Variants in CALN1 observed in about 807,000 individuals in gnomAD.
The protein encoded by CALN1 is calneuron 1, also known as calcium-binding protein 8.
In CALN1, 17 loss-of-function variants were observed where a neutral mutation model predicts 30.6. That is an observed-to-expected ratio of 0.56 (90% CI 0.38 to 0.83). CALN1 has a LOEUF of 0.83. Among genes scored for constraint, CALN1 ranks in the 40% least tolerant of loss-of-function variants. The probability of loss-of-function intolerance (pLI) is 0.00; values close to 1 mark genes in which losing one functional copy is unlikely to be tolerated. For synonymous variants in CALN1, 156 were observed against 131.4 expected (o/e 1.19, Z -1.28); for missense variants, 291 against 354.9 (o/e 0.82, Z 1.45).
At chr7:72,015,993 A>T (rs1800357847) in intron 5 of CALN1, among the ~76,000 whole-genome samples, 1 of 152,172 alleles carries the variant, frequency 6.6e-6, no homozygotes. Flanking sequence ...TCACACCTGT[A>T]ATCCCAGAAC....
intron 3 of CALN1, among the ~76,000 whole-genome samples, chr7:72,253,212 T>A (rs954784851): frequency 6.6e-6 from 1 of 152,216 alleles, no homozygotes; most frequent in African/African-American, 2.4e-5. Flanking sequence ...AGAAATGCAA[T>A]AAAAACTTGA....
At chr7:72,203,600 A>T (rs1207192181) in intron 3 of CALN1, among the ~76,000 whole-genome samples, 1 of 152,170 alleles carries the variant, frequency 6.6e-6, no homozygotes, top group East Asian at 1.9e-4. Context: ...ACTACAGTCC[A>T]CACCAAGTTT....
chr7:71,982,702 A>T (rs557661187), intron 5 of CALN1, among the ~76,000 whole-genome samples: 13 of 152,346 alleles, frequency 8.5e-5, no homozygotes, highest in African/African-American at 3.1e-4. Context: ...AGAAGAAATG[A>T]TTTGGGCAGA....
chr7:72,132,866 G>A (rs1374058273), intron 3 of CALN1, among the ~76,000 whole-genome samples: 4 of 152,116 alleles, frequency 2.6e-5, no homozygotes, highest in African/African-American at 4.8e-5. Flanking sequence ...TTAGGAACCG[G>A]GCTGCAGAGC....
intron 1 of CALN1, among the ~76,000 whole-genome samples, chr7:72,425,228 C>T (rs36009486): frequency 6.6e-6 from 1 of 152,200 alleles, no homozygotes; most frequent in Admixed American, 6.5e-5. Flanking sequence ...ATTCTCCTGC[C>T]TCAGCCTCCT....
chr7:72,372,018 G>C (rs944840487), intron 2 of CALN1, among the ~76,000 whole-genome samples: 1 of 152,168 alleles, frequency 6.6e-6, no homozygotes, highest in Non-Finnish European at 1.5e-5. Context: ...GCATTTCTGA[G>C]ATTGAATTCA....
At chr7:72,131,468 A>G (rs1809142096) in intron 3 of CALN1, among the ~76,000 whole-genome samples, 2 of 152,054 alleles carry the variant, frequency 1.3e-5, no homozygotes, top group African/African-American at 4.8e-5. Flanking sequence ...ATGCTTTTAA[A>G]CTTTTACCAG....
chr7:72,199,623 A>G (rs1791279992), intron 3 of CALN1, among the ~76,000 whole-genome samples: 1 of 152,170 alleles, frequency 6.6e-6, no homozygotes, highest in African/African-American at 2.4e-5. Context: ...GGCTGAAGCA[A>G]AAGAATCACT....
Position 71,933,022 on chromosome 7 carries a change from G to A in CALN1, c.501+90635C>T, listed in dbSNP as rs554141544. 3.1e-3 allele frequency among the ~76,000 whole-genome samples: 464 copies of A among 152,030 alleles called. 1 individual carries two copies. The highest frequency in any genetic ancestry group is 5.1e-3 in the Non-Finnish European group (348 of 67,976). On this transcript the variant is annotated intron_variant, in intron 5 of 6. Transcript: ENST00000395275. ...CCTTGGTAAGGTCTCCCTTTTTAAC[G>A]AAAAGCAGCCCCCAAATCATATTCT... is the stretch of plus-strand genomic sequence containing the variant.
At chr7:71,970,868 C>G (rs1004095995) in intron 5 of CALN1, among the ~76,000 whole-genome samples, 2 of 152,108 alleles carry the variant, frequency 1.3e-5, no homozygotes, top group African/African-American at 4.8e-5. Context: ...TGATCAGCAC[C>G]AGGGATCTGA....
At chr7:72,041,332 G>A (rs999622057) in intron 4 of CALN1, among the ~76,000 whole-genome samples, 1 of 152,034 alleles carries the variant, frequency 6.6e-6, no homozygotes, top group Admixed American at 6.6e-5. Context: ...TGGAGTGAGG[G>A]GATGGGGGTG....
At chr7:71,925,241 GGA>G (rs140977661) in intron 5 of CALN1, among the ~76,000 whole-genome samples, 4 of 150,742 alleles carry the variant, frequency 2.7e-5, no homozygotes, top group Non-Finnish European at 4.4e-5. Context: ...ACTCTGAGGG[GGA>G]GAGAGAGAGA....
At chr7:72,164,298 C>T (rs1448944050) in intron 3 of CALN1, among the ~76,000 whole-genome samples, 1 of 148,616 alleles carries the variant, frequency 6.7e-6, no homozygotes, top group Non-Finnish European at 1.5e-5. Context: ...AACCTGGGAG[C>T]CAAGATCACG....
chr7:72,469,207 C>G, the CALN1 span, among the ~76,000 whole-genome samples: 1 of 152,090 alleles, frequency 6.6e-6, no homozygotes, highest in Non-Finnish European at 1.5e-5. Context: ...TAGCTTAGGT[C>G]TTAAATCCAT....
At chr7:72,226,374 A>T (rs1793680567) in intron 3 of CALN1, among the ~76,000 whole-genome samples, 1 of 151,740 alleles carries the variant, frequency 6.6e-6, no homozygotes, top group Non-Finnish European at 1.5e-5. Flanking sequence ...GGCAGGGGTG[A>T]CATAATGACC....
intron 3 of CALN1, among the ~76,000 whole-genome samples, chr7:72,187,427 GA>G (rs1399018571): frequency 6.6e-6 from 1 of 152,168 alleles, no homozygotes; most frequent in Non-Finnish European, 1.5e-5. Flanking sequence ...CACACAGCAG[GA>G]GGTGAGGGAA....
chr7:71,963,520 G>C (rs1448533446), intron 5 of CALN1, among the ~76,000 whole-genome samples: 1 of 151,570 alleles, frequency 6.6e-6, no homozygotes, highest in Non-Finnish European at 1.5e-5. Context: ...GGCCAGGCTG[G>C]TCTTGAACTC....
intron 5 of CALN1, among the ~76,000 whole-genome samples, chr7:71,982,720 G>GTTAC (rs1178190875): frequency 3.9e-5 from 6 of 152,148 alleles, no homozygotes; most frequent in African/African-American, 1.4e-4. Flanking sequence ...AGATAGTGAG[G>GTTAC]GTAAGGAAGT....
At chr7:72,204,920 C>A (rs1562732490) in intron 3 of CALN1, among the ~76,000 whole-genome samples, 1 of 152,126 alleles carries the variant, frequency 6.6e-6, no homozygotes, top group Non-Finnish European at 1.5e-5. Context: ...CACATATTGT[C>A]TAAATTCCAT....
Sources: allele counts gnomAD v4.1 joint callset (sites outside exome capture counted in the v4.1 genomes callset), GRCh38; gene constraint gnomAD v4.1.1; transcripts MANE v1.5; gene names NCBI Gene and HGNC (gene_info 2026-07-23, HGNC 2026-07-21).